SRFBP1: variants seen among roughly 807,000 people sequenced by gnomAD.
SRFBP1 encodes the protein serum response factor binding protein 1.
A neutral mutation model predicts 45.5 loss-of-function variants in SRFBP1; 47 were observed. The observed-to-expected ratio is 1.03, with a 90% CI of 0.82 to 1.32. The LOEUF is 1.32. Ranked by LOEUF, SRFBP1 falls within the 40% of genes most tolerant of loss-of-function variation. SRFBP1 has a pLI of 0.00. For missense variants in SRFBP1, 621 were observed against 484.6 expected, an observed-to-expected ratio of 1.28 and a Z score of -2.64; for synonymous variants, 203 against 166.3, an observed-to-expected ratio of 1.22 and a Z score of -1.70.
At chr5:121,987,254 TC>T (rs1487260806) in intron 3 of SRFBP1, among the ~76,000 whole-genome samples, 11 of 152,060 alleles carry the variant, frequency 7.2e-5, no homozygotes, top group Admixed American at 7.2e-4. Context: ...GTGAAGGGAC[TC>T]CCAGTATCAC....
intron 4 of SRFBP1, among the ~76,000 whole-genome samples, chr5:122,007,019 G>T (rs1360745640): frequency 6.6e-6 from 1 of 152,014 alleles, no homozygotes. Flanking sequence ...CAGAAGTAGG[G>T]ACTTATTCTA....
At chr5:121,981,959 A>G (rs777401166) in intron 3 of SRFBP1, among the ~76,000 whole-genome samples, 145 of 151,168 alleles carry the variant, frequency 9.6e-4, no homozygotes, top group Middle Eastern at 3.4e-3. Context: ...AGTGACTTCT[A>G]CTGCAATTTT....
chr5:122,072,633 T>C (rs758238347), intron 2 of SRFBP1, among the ~76,000 whole-genome samples: 9 of 152,174 alleles, frequency 5.9e-5, no homozygotes, highest in Non-Finnish European at 1.2e-4. Flanking sequence ...TTTTTTCCTT[T>C]AAATGAAGTC....
intron 4 of SRFBP1, among the ~76,000 whole-genome samples, chr5:122,000,237 T>C (rs1467962547): frequency 6.6e-6 from 1 of 152,132 alleles, no homozygotes; most frequent in Non-Finnish European, 1.5e-5. Flanking sequence ...TGCCTTCTAT[T>C]GTGCCATTGT....
chr5:122,015,946 T>A (rs1179905842), intron 4 of SRFBP1, among the ~76,000 whole-genome samples: 2 of 152,210 alleles, frequency 1.3e-5, no homozygotes, highest in African/African-American at 2.4e-5. Flanking sequence ...TATCTCCTGA[T>A]ATCCCCCCTT....
At chr5:122,077,510 G>T (rs41407546), downstream of SRFBP1, 14,142 of 1,613,824 alleles carry the variant, frequency 8.8e-3, 73 homozygotes, top group Middle Eastern at 0.013. This position sits in a 1 kb window ranked among gnomAD's most constrained non-coding sequence, Gnocchi z 4.9. Context: ...GCGGCTGGGC[G>T]GCCGCAGGTT....
At chr5:121,965,066 T>G (rs905974798) in intron 1 of SRFBP1, among the ~76,000 whole-genome samples, 1 of 152,240 alleles carries the variant, frequency 6.6e-6, no homozygotes, top group Non-Finnish European at 1.5e-5. Context: ...TTTGTTTAAG[T>G]TCTTTGTAGA....
chr5:122,058,994 C>T (rs960686053), intron 2 of SRFBP1, among the ~76,000 whole-genome samples: 11 of 152,128 alleles, frequency 7.2e-5, no homozygotes, highest in African/African-American at 2.4e-4. Flanking sequence ...GAGGTTAAAG[C>T]GTTCCCACTG....
At chr5:122,048,153 G>A (rs1397582333) in intron 2 of SRFBP1, among the ~76,000 whole-genome samples, 1 of 152,078 alleles carries the variant, frequency 6.6e-6, no homozygotes, top group Admixed American at 6.6e-5. Context: ...TCCAGTTTTT[G>A]CCCATTCAGT....
intron 7 of SRFBP1, among the ~76,000 whole-genome samples, chr5:122,026,343 C>T (rs1241704374): frequency 6.6e-6 from 1 of 152,114 alleles, no homozygotes; most frequent in African/African-American, 2.4e-5. Context: ...TACAAGTTGC[C>T]ACCTTCATAT....
At chr5:121,968,768 G>C (rs984777710) in intron 1 of SRFBP1, among the ~76,000 whole-genome samples, 1 of 152,068 alleles carries the variant, frequency 6.6e-6, no homozygotes, top group Admixed American at 6.5e-5. Flanking sequence ...GTATTTGTCT[G>C]TTTCCTCCAA....
intron 2 of SRFBP1, among the ~76,000 whole-genome samples, chr5:122,043,974 C>T (rs1257873575): frequency 1.3e-5 from 2 of 152,072 alleles, no homozygotes; most frequent in Non-Finnish European, 2.9e-5. Context: ...CATGATACCT[C>T]ATAGGTAGTT....
At chr5:121,962,732 A>G (rs912323110) in intron 1 of SRFBP1, among the ~76,000 whole-genome samples, 1 of 152,140 alleles carries the variant, frequency 6.6e-6, no homozygotes, top group Non-Finnish European at 1.5e-5. Flanking sequence ...TCTACCACTT[A>G]TCCCCCTCTG....
At chr5:122,040,269 C>T (rs1459591839) in intron 2 of SRFBP1, among the ~76,000 whole-genome samples, 2 of 152,054 alleles carry the variant, frequency 1.3e-5, no homozygotes, top group East Asian at 3.9e-4. Flanking sequence ...TGGGCCTATA[C>T]TATAGAATTG....
At chr5:122,070,731 T>C (rs1464455092) in intron 2 of SRFBP1, 2 of 532,296 alleles carry the variant, frequency 3.8e-6, no homozygotes, top group Non-Finnish European at 6.7e-6. Flanking sequence ...TCATCTCCCT[T>C]GAGAAGTATT....
chr5:121,993,981 G>C (rs1752667033), intron 3 of SRFBP1, among the ~76,000 whole-genome samples: 1 of 151,666 alleles, frequency 6.6e-6, no homozygotes, highest in Non-Finnish European at 1.5e-5. Flanking sequence ...TACTTTCTTT[G>C]ACTTAATATG....
intron 7 of SRFBP1, among the ~76,000 whole-genome samples, chr5:122,026,275 GC>G (rs1446385152): frequency 6.6e-6 from 1 of 151,994 alleles, no homozygotes; most frequent in African/African-American, 2.4e-5. Context: ...GTGTATCTTC[GC>G]CAAATAAGAC....
intron 4 of SRFBP1, among the ~76,000 whole-genome samples, chr5:122,017,265 TGAG>T (rs908735650): frequency 2.6e-5 from 4 of 152,060 alleles, no homozygotes; most frequent in Non-Finnish European, 5.9e-5. Context: ...TTCTCACAGT[TGAG>T]GAGGGTGAAA....
chr5:122,020,161 C>T lies in SRFBP1; in HGVS notation c.426C>T (p.Asp142=). ...AGTCATCAAAGAATGCTTCAGAGGACAATCATTCTGAGAATACTTTGTATT... is the reference window on the plus strand; with the variant it reads ...AGTCATCAAAGAATGCTTCAGAGGATAATCATTCTGAGAATACTTTGTATT... ...EVESSKNASE[D]NHSENTLYSN... The change falls in exon 6 of 8, where the codon GAC becomes GAT. Residue 142 remains aspartate (D), a synonymous_variant. Coordinates refer to ENST00000339397, the MANE Select transcript of SRFBP1 (RefSeq NM_152546.3). The T allele has an allele frequency of 2.5e-6, 4 of 1,607,952 alleles. No individual in the cohort carries two copies. Among genetic ancestry groups the T allele is most frequent in the Non-Finnish European group, 3.4e-6 (4 of 1,178,106 alleles).
Sources: allele counts gnomAD v4.1 joint callset (sites outside exome capture counted in the v4.1 genomes callset), GRCh38; gene constraint gnomAD v4.1.1; non-coding constraint Gnocchi (gnomAD v3.1); transcripts MANE v1.5; gene names NCBI Gene and HGNC (gene_info 2026-07-23, HGNC 2026-07-21).